CCN4: variants seen among roughly 807,000 people sequenced by gnomAD.
CCN4 encodes the protein CCN family member 4.
In CCN4, 30 loss-of-function variants were observed where a neutral mutation model predicts 36.7. That is an observed-to-expected ratio of 0.82 (90% CI 0.61 to 1.11). The LOEUF is 1.11. Ranked by LOEUF, CCN4 falls within the 50% of genes least tolerant of loss-of-function variation. The probability of loss-of-function intolerance (pLI) is 0.00; values close to 1 mark genes in which losing one functional copy is unlikely to be tolerated. For missense variants in CCN4, 505 were observed against 504.9 expected, an observed-to-expected ratio of 1.00 and a Z score of 0.00; for synonymous variants, 191 against 195.4, an observed-to-expected ratio of 0.98 and a Z score of 0.19.
At chr8:133,211,801 G>A (rs1282424675) in intron 1 of CCN4, among the ~76,000 whole-genome samples, 1 of 152,210 alleles carries the variant, frequency 6.6e-6, no homozygotes, top group Admixed American at 6.5e-5. Flanking sequence ...CTGACTCAAA[G>A]CCTGGCTCCC....
Position 133,212,928 on chromosome 8 carries a change from G to T in CCN4, c.134G>T (p.Arg45Leu), listed in dbSNP as rs753495859. The T allele has an allele frequency of 1.9e-6, 3 of 1,610,786 alleles. No homozygotes were observed. Among genetic ancestry groups the T allele is most frequent in the Non-Finnish European group, 2.5e-6 (3 of 1,178,896 alleles). ...TPAPLEDTSS[R>L]PQFCKWPCEC... ...GCTCCACTGGAGGACACCTCCTCAC[G>T]CCCCCAATTCTGCAAGTGGCCATGT... The change falls in exon 2 of 5, where the codon CGC becomes CTC. Residue 45 changes from arginine (R) to leucine (L), a missense_variant. Physicochemically the swap from Arg to Leu is moderately radical, Grantham distance 102. Transcript: ENST00000250160.
intron 4 of CCN4, among the ~76,000 whole-genome samples, chr8:133,226,034 G>A (rs1394463741): frequency 6.6e-6 from 1 of 152,238 alleles, no homozygotes; most frequent in Middle Eastern, 3.4e-3. Flanking sequence ...GCTCATCACT[G>A]AGCCCCCATT....
At chr8:133,225,699 A>C in intron 4 of CCN4, 116 bp downstream of exon 4, 62 of 1,058,990 alleles carry the variant, frequency 5.9e-5, no homozygotes, top group Non-Finnish European at 7.2e-5. Context: ...AGTTAAGCTC[A>C]CCTGGTAGGT....
chr8:133,220,060 T>C (rs16904853), intron 2 of CCN4, among the ~76,000 whole-genome samples: 14,871 of 151,644 alleles, frequency 0.098, 1,305 homozygotes, highest in East Asian at 0.51. Context: ...CAACATTCCA[T>C]ATGACCTTTC....
intron 1 of CCN4, among the ~76,000 whole-genome samples, chr8:133,195,121 G>T (rs1475713328): frequency 3.4e-5 from 5 of 147,746 alleles, no homozygotes; most frequent in African/African-American, 1.3e-4. Context: ...TGCATGGTGT[G>T]TGTATGGTGT....
intron 1 of CCN4, among the ~76,000 whole-genome samples, chr8:133,210,386 G>GGGGTGTGT (rs1777791633): frequency 6.9e-6 from 1 of 145,588 alleles, no homozygotes; most frequent in African/African-American, 2.6e-5. Flanking sequence ...CAAAAAGAGG[G>GGGGTGTGT]GTGTGTGTGT....
intron 1 of CCN4, among the ~76,000 whole-genome samples, chr8:133,197,384 T>C (rs1469447154): frequency 6.6e-6 from 1 of 151,904 alleles, no homozygotes. Flanking sequence ...TGGGAGATGG[T>C]GAAAAACATG....
chr8:133,199,335 G>A lies in CCN4; in HGVS notation c.69+8122G>A, dbSNP rs149453258. On this transcript the variant is annotated intron_variant, in intron 1 of 4. Coordinates refer to ENST00000250160, the MANE Select transcript of CCN4 (RefSeq NM_003882.4). ...CAGGGTAGTGCGGTGGTGAAGAGGA[G>A]GCGGGCAGCACACAGCCTGGGTCAA... 1.1e-3 allele frequency among the ~76,000 whole-genome samples: 162 copies of A among 152,294 alleles called. 1 individual carries two copies. The highest frequency in any genetic ancestry group is 3.4e-3 in the Middle Eastern group (1 of 294).
chr8:133,212,589 G>A (rs1056500380), intron 1 of CCN4, among the ~76,000 whole-genome samples: 2 of 152,140 alleles, frequency 1.3e-5, no homozygotes, highest in Non-Finnish European at 2.9e-5. Context: ...ACTCAAGAAA[G>A]GAAAGGAGCA....
intron 1 of CCN4, among the ~76,000 whole-genome samples, chr8:133,194,466 G>A (rs1340414766): frequency 6.0e-5 from 4 of 67,080 alleles, no homozygotes; most frequent in African/African-American, 3.4e-4. Flanking sequence ...ATGTGTGTGG[G>A]GTGTGTGTGT....
intron 1 of CCN4, among the ~76,000 whole-genome samples, chr8:133,191,727 A>G (rs1853119727): frequency 2.0e-5 from 3 of 152,228 alleles, no homozygotes. Context: ...GCCAGCTTTC[A>G]ACAAAAGCTC....
chr8:133,195,166 A>G (rs1298841891), intron 1 of CCN4, among the ~76,000 whole-genome samples: 3 of 109,574 alleles, frequency 2.7e-5, no homozygotes, highest in Non-Finnish European at 5.6e-5. Flanking sequence ...TTGAGTGTGT[A>G]TGTGGTGTGT....
intron 2 of CCN4, among the ~76,000 whole-genome samples, chr8:133,214,019 T>TA (rs1854198973): frequency 1.5e-3 from 1 of 658 alleles, no homozygotes; most frequent in African/African-American, 3.2e-3. Context: ...TATATAGTAG[T>TA]TATACATACT....
chr8:133,222,616 G>A (rs1293988160), intron 3 of CCN4, among the ~76,000 whole-genome samples: 1 of 151,654 alleles, frequency 6.6e-6, no homozygotes, highest in Non-Finnish European at 1.5e-5. Flanking sequence ...TGTGAAGGGT[G>A]AGCAGAATAA....
intron 1 of CCN4, among the ~76,000 whole-genome samples, chr8:133,205,723 G>A (rs1003126335): frequency 6.6e-6 from 1 of 152,170 alleles, no homozygotes; most frequent in African/African-American, 2.4e-5. Context: ...GCCCAAGCAA[G>A]CATCCTGGGG....
At chr8:133,214,360 A>G (rs2130589711) in intron 2 of CCN4, among the ~76,000 whole-genome samples, 2 of 151,774 alleles carry the variant, frequency 1.3e-5, no homozygotes, top group South Asian at 4.2e-4. Context: ...TAATATTATG[A>G]CCAGGTAAAT....
intron 1 of CCN4, among the ~76,000 whole-genome samples, chr8:133,199,912 G>A (rs1033577356): frequency 6.6e-5 from 10 of 152,180 alleles, no homozygotes; most frequent in Non-Finnish European, 1.3e-4. Context: ...TATGTGGCAG[G>A]AGCTCCTATC....
chr8:133,198,736 C>T (rs1359485188), intron 1 of CCN4, among the ~76,000 whole-genome samples: 7 of 152,200 alleles, frequency 4.6e-5, no homozygotes, highest in Admixed American at 1.3e-4. Flanking sequence ...GGAAACACGT[C>T]GCCCAGCTGG....
intron 2 of CCN4, among the ~76,000 whole-genome samples, chr8:133,219,946 A>T (rs1854457148): frequency 6.6e-6 from 1 of 152,084 alleles, no homozygotes; most frequent in Admixed American, 6.6e-5. Context: ...CTAGCTGAAC[A>T]TTTTTTTCTA....
Sources: allele counts gnomAD v4.1 joint callset (sites outside exome capture counted in the v4.1 genomes callset), GRCh38; gene constraint gnomAD v4.1.1; transcripts MANE v1.5; gene names NCBI Gene and HGNC (gene_info 2026-07-23, HGNC 2026-07-21).